LEO1: variants seen among roughly 807,000 people sequenced by gnomAD.
The protein encoded by LEO1 is LEO1 component of Paf1/RNA polymerase II complex, also known as RNA polymerase-associated protein LEO1.
A neutral mutation model predicts 80.4 loss-of-function variants in LEO1; 34 were observed. The observed-to-expected ratio is 0.42, with a 90% CI of 0.32 to 0.56. The LOEUF (loss-of-function observed/expected upper bound fraction) is 0.56, where lower values mean the gene tolerates loss of function less well. Among genes scored for constraint, LEO1 ranks in the 20% least tolerant of loss-of-function variants. The pLI, the probability that LEO1 is intolerant of heterozygous loss-of-function variation, is 0.10. For synonymous variants in LEO1, 262 were observed against 274.9 expected (o/e 0.95, Z 0.46); for missense variants, 631 against 814.2 (o/e 0.77, Z 2.74).
chr15:51,968,154 G>C (rs1317426444), intron 1 of LEO1, among the ~76,000 whole-genome samples: 1 of 152,186 alleles, frequency 6.6e-6, no homozygotes, highest in African/African-American at 2.4e-5. Flanking sequence ...CTGCACTCCA[G>C]CCTGGGCAAC....
Position 51,971,695 on chromosome 15 carries a change from C to G in LEO1, c.51G>C (p.Glu17Asp), listed in dbSNP as rs747282458. 6 of 1,614,080 alleles carry G rather than the reference C, an allele frequency of 3.7e-6. No individual in the cohort carries two copies. In the South Asian group the frequency reaches 5.5e-5, roughly 15 times the overall value. The change falls in exon 1 of 12, where the codon GAG becomes GAC. Residue 17 changes from glutamate to aspartate, a missense_variant. Coordinates refer to ENST00000299601, the MANE Select transcript of LEO1 (RefSeq NM_138792.4). ...LFGSDADSEA[E>D]RKDSDSGSDS... is the part of the protein sequence containing the mutation. ...GAAGACCAGCGAACCCACCTTTACG[C>G]TCAGCTTCGCTGTCGGCGTCGCTCC... is the stretch of plus-strand genomic sequence containing the variant.
At chr15:51,970,963 CT>C (rs2057118086) in intron 1 of LEO1, among the ~76,000 whole-genome samples, 1 of 152,156 alleles carries the variant, frequency 6.6e-6, no homozygotes, top group African/African-American at 2.4e-5. Context: ...AAAAAGTAAA[CT>C]TTAAAAAAAC....
rs2056818784 is a variant in LEO1, at chr15:51,938,327, A to G, written c.1897-67T>C. ...AACATTTTTAGGATGGTTTATGAAA[A>G]GTAGCTATGAGCTGAATGACCCTCT... On this transcript the variant is annotated intron_variant, in intron 11 of 11. Transcript: ENST00000299601. 7.7e-6 allele frequency: 7 copies of G among 909,188 alleles called. No individual in the cohort carries two copies. In the South Asian group the frequency reaches 1.0e-4, roughly 13 times the overall value. 56.3% of individuals were successfully genotyped at this position (909,188 alleles called of 1,614,324 possible). A position where few individuals can be genotyped will look rare whatever the true frequency, so the allele number is the denominator to read the frequency against.
intron 2 of LEO1, among the ~76,000 whole-genome samples, chr15:51,963,888 A>C (rs1595945175): frequency 2.2e-5 from 2 of 92,754 alleles, no homozygotes; most frequent in Non-Finnish European, 4.0e-5. Context: ...GATGACAGAG[A>C]CTCTGTCTCA....
chr15:51,968,305 G>C (rs949064082), intron 1 of LEO1, among the ~76,000 whole-genome samples: 1 of 151,320 alleles, frequency 6.6e-6, no homozygotes, highest in African/African-American at 2.4e-5. Flanking sequence ...CACTCTAGGA[G>C]CCCAAGGTGG....
chr15:51,956,637 C>G (rs2056991858), intron 6 of LEO1, among the ~76,000 whole-genome samples: 1 of 151,994 alleles, frequency 6.6e-6, no homozygotes, highest in Non-Finnish European at 1.5e-5. Context: ...TTCCCTGGTT[C>G]CTTGTTCTTA....
rs1301684434 is a variant in LEO1 at position 51,965,733 on chromosome 15, C to T, written c.814+16G>A. 6.3e-7 allele frequency: 1 copy of T among 1,585,146 alleles called. No individual in the cohort carries two copies. Among genetic ancestry groups the T allele is most frequent in the South Asian group, 1.2e-5 (1 of 85,544 alleles). On this transcript the variant is annotated intron_variant, in intron 2 of 11. Coordinates refer to ENST00000299601, the MANE Select transcript of LEO1 (RefSeq NM_138792.4). The stretch of plus-strand genomic sequence containing the variant: ...TGCTTCTTTCTGAGCCATTCTGGTT[C>T]TCATAAATGTATTACCTGATTTATG...
At position 51,966,064 on chromosome 15, in the gene LEO1, TCTC is replaced by T. The variant is rs747970227; in HGVS notation, c.496_498del (p.Glu166del). ...TTATCTTCATCAGATCCTTGTGCCC[TCTC>T]CTCATCATCAGAATTTTGTATCTTT... On this transcript the variant is annotated inframe_deletion, in exon 2 of 12. Transcript: ENST00000299601. 15 of 1,614,032 alleles carry T rather than the reference TCTC, an allele frequency of 9.3e-6. No individual in the cohort carries two copies. Among genetic ancestry groups the T allele is most frequent in the East Asian group, 2.2e-5 (1 of 44,886 alleles).
intron 11 of LEO1, 103 bp from the exon 12 acceptor site, chr15:51,938,363 A>G (rs968036635): frequency 6.5e-5 from 43 of 662,594 alleles, no homozygotes; most frequent in Non-Finnish European, 7.8e-6. Context: ...GACAACTCAA[A>G]GTAACGGTTC....
rs1056282492 is a variant in LEO1 at position 51,971,738 on chromosome 15, T to A, written c.8A>T (p.Asp3Val). 4 of 1,614,124 alleles carry A rather than the reference T, an allele frequency of 2.5e-6. No individual in the cohort carries two copies. In the South Asian group the frequency reaches 3.3e-5, roughly 13 times the overall value. ...GTCGCTCCCGAAGAGATCCTCCATA[T>A]CCGCCATTATCGCTCACGTCCGCTG... is the stretch of plus-strand genomic sequence containing the variant. The part of the protein sequence containing the change: MA[D>V]MEDLFGSDAD... Residue 3 changes from aspartate (D) to valine (V), a missense_variant, in exon 1 of 12, where the codon GAT becomes GTT. Physicochemically the swap from Asp to Val is radical, Grantham distance 152. Coordinates refer to ENST00000299601, the MANE Select transcript of LEO1 (RefSeq NM_138792.4).
chr15:51,940,126 A>C (rs2056836351), intron 11 of LEO1, among the ~76,000 whole-genome samples: 1 of 150,610 alleles, frequency 6.6e-6, no homozygotes, highest in Non-Finnish European at 1.5e-5. Flanking sequence ...GTGGTGGCGC[A>C]TGCCTGTAAT....
In LEO1 at chr15:51,947,390, C is replaced by T; in HGVS notation, c.1799-1G>A. 1 of 1,604,408 alleles carries T rather than the reference C, an allele frequency of 6.2e-7. No individual in the cohort carries two copies. Among genetic ancestry groups the T allele is most frequent in the Non-Finnish European group, 8.5e-7 (1 of 1,173,568 alleles). Reference sequence around the variant, plus strand: ...GATGAATAGATTCTGGCTCGTTCCTCTGAAAGCAAAAGTACAGATTGTGAG... The same window carrying T: ...GATGAATAGATTCTGGCTCGTTCCTTTGAAAGCAAAAGTACAGATTGTGAG... On this transcript the variant is annotated splice_acceptor_variant, in intron 10 of 11. Coordinates refer to ENST00000299601, the MANE Select transcript of LEO1 (RefSeq NM_138792.4). LOFTEE classifies it high-confidence loss of function.
In LEO1 at chr15:51,971,758, C is replaced by T. The variant is rs770082064; in HGVS notation, c.-13G>A. ...CCATATCCGCCATTATCGCTCACGT[C>T]CGCTGCTGCCTCGGTTAGGGGCAGC... On this transcript the variant is annotated 5_prime_UTR_variant, in exon 1 of 12. Coordinates refer to ENST00000299601, the MANE Select transcript of LEO1 (RefSeq NM_138792.4). 3.7e-6 allele frequency: 6 copies of T among 1,614,116 alleles called. No homozygotes were observed. The highest frequency in any genetic ancestry group is 5.1e-6 in the Non-Finnish European group (6 of 1,179,964).
At chr15:51,946,514 A>C (rs1202645399) in intron 11 of LEO1, among the ~76,000 whole-genome samples, 1 of 152,170 alleles carries the variant, frequency 6.6e-6, no homozygotes, top group African/African-American at 2.4e-5. Flanking sequence ...GTTTCATCTA[A>C]ATAAAAAGAA....
At position 51,966,258 on chromosome 15, in the gene LEO1, G is replaced by A; in HGVS notation, c.305C>T (p.Ser102Leu). ...ERSDHEDNDP[S>L]DVDQHSGSEA... The stretch of plus-strand genomic sequence containing the variant: ...TGATCCACTGTGCTGATCTACATCT[G>A]AGGGGTCATTGTCCTCATGGTCAGA... The change falls in exon 2 of 12, where the codon TCA (serine) becomes TTA (leucine). Residue 102 changes from serine to leucine, a missense_variant. Coordinates refer to ENST00000299601, the MANE Select transcript of LEO1 (RefSeq NM_138792.4). The A allele has an allele frequency of 6.2e-7, 1 of 1,613,972 alleles. No homozygotes were observed. The highest frequency in any genetic ancestry group is 8.5e-7 in the Non-Finnish European group (1 of 1,180,012).
At chr15:51,964,271 AC>A (rs937423662) in intron 2 of LEO1, among the ~76,000 whole-genome samples, 2 of 152,070 alleles carry the variant, frequency 1.3e-5, no homozygotes, top group Admixed American at 6.6e-5. Flanking sequence ...GAAGCTGGAA[AC>A]CATCATTCTC....
chr15:51,962,635 T>C (rs2057040313), intron 2 of LEO1, 142 bp from the exon 3 acceptor site: 1 of 601,366 alleles, frequency 1.7e-6, no homozygotes, highest in African/African-American at 1.9e-5. Flanking sequence ...CTGATACATG[T>C]AACCAATTGG....
intron 11 of LEO1, among the ~76,000 whole-genome samples, chr15:51,938,925 C>T (rs1417511274): frequency 6.6e-6 from 1 of 152,200 alleles, no homozygotes; most frequent in Non-Finnish European, 1.5e-5. Flanking sequence ...TGGCTCATGC[C>T]TGTAATCCCA....
intron 1 of LEO1, among the ~76,000 whole-genome samples, chr15:51,970,731 G>T (rs1486083933): frequency 6.6e-6 from 1 of 152,168 alleles, no homozygotes; most frequent in Non-Finnish European, 1.5e-5. Context: ...TGGGGGTGAT[G>T]AAAATAACAA....
Sources: allele counts gnomAD v4.1 joint callset (sites outside exome capture counted in the v4.1 genomes callset), GRCh38; gene constraint gnomAD v4.1.1; transcripts MANE v1.5; gene names NCBI Gene and HGNC (gene_info 2026-07-23, HGNC 2026-07-21).